Variants in RAD18 observed in about 807,000 individuals in gnomAD.
The protein encoded by RAD18 is E3 ubiquitin-protein ligase RAD18.
A neutral mutation model predicts 60.4 loss-of-function variants in RAD18; 47 were observed. The observed-to-expected ratio is 0.78, with a 90% confidence interval of 0.62 to 0.99. The LOEUF is 0.99. RAD18 is among the 50% of genes least tolerant of loss of function. The pLI is 0.00. For missense variants in RAD18, 640 were observed against 593.3 expected, an observed-to-expected ratio of 1.08 and a Z score of -0.82; for synonymous variants, 225 against 195.5, an observed-to-expected ratio of 1.15 and a Z score of -1.26.
At chr3:8,950,531 G>C (rs144709797) in intron 2 of RAD18, among the ~76,000 whole-genome samples, 1 of 152,124 alleles carries the variant, frequency 6.6e-6, no homozygotes, top group Non-Finnish European at 1.5e-5. Context: ...GGCAAAGTTC[G>C]CTAAAAGACC....
intron 11 of RAD18, among the ~76,000 whole-genome samples, chr3:8,895,404 T>C (rs1190011129): frequency 1.3e-5 from 2 of 152,236 alleles, no homozygotes; most frequent in Non-Finnish European, 2.9e-5. Flanking sequence ...ACTTAGGATA[T>C]TGTTCCACTA....
At chr3:8,930,498 A>G (rs1940534371) in intron 7 of RAD18, among the ~76,000 whole-genome samples, 1 of 152,200 alleles carries the variant, frequency 6.6e-6, no homozygotes, top group African/African-American at 2.4e-5. Context: ...AACTCTGTGA[A>G]TATACTGAAA....
chr3:8,958,419 G>A (rs1941044646), intron 2 of RAD18, among the ~76,000 whole-genome samples: 1 of 152,152 alleles, frequency 6.6e-6, no homozygotes, highest in Non-Finnish European at 1.5e-5. Context: ...TTAAAGAGAA[G>A]TACAAACAAA....
At chr3:8,893,362 G>A (rs1425061199) in intron 11 of RAD18, among the ~76,000 whole-genome samples, 1 of 152,098 alleles carries the variant, frequency 6.6e-6, no homozygotes, top group Non-Finnish European at 1.5e-5. Context: ...TAATTTGAAC[G>A]TGGTTGAGTA....
intron 7 of RAD18, among the ~76,000 whole-genome samples, chr3:8,923,230 G>A (rs1375006709): frequency 2.0e-5 from 3 of 152,184 alleles, no homozygotes; most frequent in African/African-American, 7.2e-5. Flanking sequence ...TGACCTGATG[G>A]AGCTGAAAAC....
At chr3:8,897,705 A>C (rs1296890769) in intron 11 of RAD18, among the ~76,000 whole-genome samples, 2 of 152,230 alleles carry the variant, frequency 1.3e-5, no homozygotes, top group Non-Finnish European at 2.9e-5. Flanking sequence ...ATAAGCAATG[A>C]TTCTGATAGG....
At chr3:8,901,369 T>C (rs1039606393) in intron 10 of RAD18, among the ~76,000 whole-genome samples, 8 of 152,296 alleles carry the variant, frequency 5.3e-5, no homozygotes, top group African/African-American at 1.9e-4. Context: ...AGCAGCATTA[T>C]TTATAAGAAC....
chr3:8,925,460 A>C (rs1301214748), intron 7 of RAD18, among the ~76,000 whole-genome samples: 9 of 152,338 alleles, frequency 5.9e-5, no homozygotes, highest in African/African-American at 2.2e-4. Context: ...AGACAGATTC[A>C]CAGCCGAATT....
intron 7 of RAD18, among the ~76,000 whole-genome samples, chr3:8,929,290 T>C (rs1020717392): frequency 3.3e-5 from 5 of 151,634 alleles, no homozygotes; most frequent in African/African-American, 1.2e-4. Flanking sequence ...TTGAGAAAAA[T>C]GAAGCTGAAG....
chr3:8,919,833 G>A (rs957108283), intron 7 of RAD18, among the ~76,000 whole-genome samples: 3 of 106,820 alleles, frequency 2.8e-5, no homozygotes, highest in African/African-American at 7.1e-5. Flanking sequence ...ATAAGAAGAC[G>A]GTAATGAAAA....
At chr3:8,955,744 G>A (rs1027062060) in intron 2 of RAD18, among the ~76,000 whole-genome samples, 5 of 152,110 alleles carry the variant, frequency 3.3e-5, no homozygotes, top group African/African-American at 7.2e-5. Context: ...CAAATCTCTC[G>A]GCTTGGAAAT....
At chr3:8,928,049 T>TAAAAAAA (rs58756851) in intron 7 of RAD18, among the ~76,000 whole-genome samples, 3 of 121,730 alleles carry the variant, frequency 2.5e-5, no homozygotes, top group African/African-American at 2.8e-5. Context: ...CCCTAAAACT[T>TAAAAAAA]AAAAAAAAAA....
chr3:8,929,679 T>C (rs144238828), intron 7 of RAD18, among the ~76,000 whole-genome samples: 3,537 of 152,094 alleles, frequency 0.023, 135 homozygotes, highest in African/African-American at 0.08. Flanking sequence ...TCTCACTCTG[T>C]TGCCCAGACT....
intron 7 of RAD18, among the ~76,000 whole-genome samples, chr3:8,929,039 T>C (rs1254939951): frequency 6.6e-6 from 1 of 152,164 alleles, no homozygotes; most frequent in Non-Finnish European, 1.5e-5. Context: ...TTAGAAAATA[T>C]TTTAACTGGA....
intron 12 of RAD18, among the ~76,000 whole-genome samples, chr3:8,882,166 C>T (rs570786429): frequency 2.6e-5 from 4 of 152,316 alleles, no homozygotes; most frequent in Admixed American, 2.6e-4. Flanking sequence ...CTCCTGAATG[C>T]TTCTCTCCCA....
intron 7 of RAD18, among the ~76,000 whole-genome samples, chr3:8,918,289 G>A (rs1250692315): frequency 1.6e-5 from 2 of 123,762 alleles, no homozygotes; most frequent in African/African-American, 6.1e-5. Flanking sequence ...TTGCACTCCA[G>A]CCTGGGCAAC....
At chr3:8,883,552 GTGTC>G (rs1939508630) in intron 12 of RAD18, among the ~76,000 whole-genome samples, 1 of 152,182 alleles carries the variant, frequency 6.6e-6, no homozygotes, top group Admixed American at 6.5e-5. Flanking sequence ...GGTGGGTTCT[GTGTC>G]TGTGCTGGGG....
At chr3:8,915,379 G>A (rs957455607) in intron 7 of RAD18, among the ~76,000 whole-genome samples, 1 of 152,132 alleles carries the variant, frequency 6.6e-6, no homozygotes, top group Non-Finnish European at 1.5e-5. Flanking sequence ...ACAAAGATGA[G>A]TGCCTTAGAA....
chr3:8,922,281 G>A (rs1940336297), intron 7 of RAD18, among the ~76,000 whole-genome samples: 1 of 152,236 alleles, frequency 6.6e-6, no homozygotes, highest in South Asian at 2.1e-4. Flanking sequence ...CAGCGCACCA[G>A]GAGATTATAT....
Sources: allele counts gnomAD v4.1 joint callset (sites outside exome capture counted in the v4.1 genomes callset), GRCh38; gene constraint gnomAD v4.1.1; transcripts MANE v1.5; gene names NCBI Gene and HGNC (gene_info 2026-07-23, HGNC 2026-07-21).